The following AXIN2 variants were observed in gnomAD, a reference collection of about 807,000 sequenced individuals.
AXIN2 encodes axin 2.
In AXIN2, 21 loss-of-function variants were observed where a neutral mutation model predicts 74.7. The observed-to-expected ratio is 0.28, with a 90% CI of 0.20 to 0.40. The LOEUF is 0.40. Ranked by LOEUF, AXIN2 falls within the 10% of genes least tolerant of loss-of-function variation. The pLI is 1.00. For synonymous variants in AXIN2, 532 were observed against 454.9 expected (o/e 1.17, Z -2.16); for missense variants, 1,144 against 1,111.1 (o/e 1.03, Z -0.42).
In AXIN2 at chr17:65,561,447, C is replaced by T. The variant is rs1420404413; in HGVS notation, c.-117+3G>A. The T allele has an allele frequency of 1.3e-5, 2 of 150,522 alleles. No individual in the cohort carries two copies. The highest frequency in any genetic ancestry group is 2.1e-4 in the South Asian group (1 of 4,830). 9.3% of individuals were successfully genotyped at this position (150,522 alleles called of 1,614,324 possible). Reference sequence around the variant, plus strand: ...TCCGCTGGGGCCGAGCTTCCACCCCCACCTTTTACAGCAGGGCCTTCGGCG... The same window carrying T: ...TCCGCTGGGGCCGAGCTTCCACCCCTACCTTTTACAGCAGGGCCTTCGGCG... On this transcript the variant is annotated splice_donor_region_variant and intron_variant, in intron 1 of 10. Transcript: ENST00000307078.
rs1462955225 is a variant in AXIN2, at chr17:65,541,555, T to A, written c.959A>T (p.Asp320Val). 6.2e-7 allele frequency: 1 copy of A among 1,612,910 alleles called. No individual in the cohort carries two copies. The highest frequency in any genetic ancestry group is 2.2e-5 in the East Asian group (1 of 44,882). Residue 320 changes from aspartate to valine, a missense_variant and splice_region_variant, in exon 4 of 11, where the codon GAT becomes GTT. Coordinates refer to ENST00000307078, the MANE Select transcript of AXIN2 (RefSeq NM_004655.4). ...GCCCACACGATAAGGAGGAATTCCA[T>A]CTCTAAGGGAAAGGAAAAGACAGAA... is the stretch of plus-strand genomic sequence containing the variant. ...DSMSMTDSSV[D>V]GIPPYRVGSK...
At position 65,541,763 on chromosome 17, in the gene AXIN2, A is replaced by G. The variant is rs116173676; in HGVS notation, c.957-206T>C. 0.01 allele frequency among the ~76,000 whole-genome samples: 1,532 copies of G among 152,334 alleles called. 29 individuals are homozygous for G. The highest frequency in any genetic ancestry group is 0.032 in the African/African-American group (1,339 of 41,576). On this transcript the variant is annotated intron_variant, in intron 3 of 10. Transcript: ENST00000307078. ...TTTAAATCCTGCCCATCAATCATCT[A>G]TGGAAACTTGGCTTCCTTGGATGCA...
intron 2 of AXIN2, among the ~76,000 whole-genome samples, chr17:65,552,549 T>C (rs1376970716): frequency 2.0e-5 from 3 of 152,188 alleles, no homozygotes; most frequent in African/African-American, 7.2e-5. Flanking sequence ...GCTGCCGGCT[T>C]GGCTGCAGTG....
rs532491585 is a variant in AXIN2 at position 65,528,999 on chromosome 17, G to A, written c.*977C>T. 7.4e-6 allele frequency: 2 copies of A among 269,516 alleles called. No individual in the cohort carries two copies. Among genetic ancestry groups the A allele is most frequent in the East Asian group, 1.2e-4 (2 of 17,096 alleles). 16.7% of individuals were successfully genotyped at this position (269,516 alleles called of 1,614,324 possible). A position where few individuals can be genotyped will look rare whatever the true frequency, so the allele number is the denominator to read the frequency against. The stretch of plus-strand genomic sequence containing the variant: ...AGGTGTGTGGAGGAAAGGTGCTGCT[G>A]GGTCTCCCTACAACTGTTCATTTCT... On this transcript the variant is annotated 3_prime_UTR_variant, in exon 11 of 11. Coordinates refer to ENST00000307078, the MANE Select transcript of AXIN2 (RefSeq NM_004655.4).
At chr17:65,541,632 T>A in intron 3 of AXIN2, 75 bp from the exon 4 acceptor site, 1 of 1,267,496 alleles carries the variant, frequency 7.9e-7, no homozygotes, top group South Asian at 1.2e-5. Flanking sequence ...TACTGTCATA[T>A]GCCATCTTGA....
At position 65,558,647 on chromosome 17, in the gene AXIN2, TG is replaced by T. The variant is rs1213110055; in HGVS notation, c.-28del. ...GTGAGGGAGCTCTTCCCACTGAGTCTGGGAATTTTTCTTCTTCCAGTTCCTC... is the reference window on the plus strand; with the variant it reads ...GTGAGGGAGCTCTTCCCACTGAGTCTGGAATTTTTCTTCTTCCAGTTCCTC... On this transcript the variant is annotated 5_prime_UTR_variant, in exon 2 of 11. Transcript: ENST00000307078. 2.5e-6 allele frequency: 4 copies of T among 1,596,232 alleles called. No individual in the cohort carries two copies. In the Admixed American group the frequency reaches 6.7e-5, roughly 27 times the overall value.
intron 9 of AXIN2, among the ~76,000 whole-genome samples, chr17:65,534,987 A>G (rs1007371286): frequency 1.3e-4 from 20 of 152,236 alleles, no homozygotes; most frequent in Non-Finnish European, 2.2e-4. Flanking sequence ...CTTAGGGTCA[A>G]CCAATTGAAA....
At chr17:65,555,482 C>T (rs931626995) in intron 2 of AXIN2, among the ~76,000 whole-genome samples, 2 of 152,152 alleles carry the variant, frequency 1.3e-5, no homozygotes, top group Admixed American at 6.5e-5. Flanking sequence ...TGGGCTAAGC[C>T]AAGAGTCACC....
chr17:65,537,713 A>G lies in AXIN2; in HGVS notation c.1323T>C (p.Asp441=), dbSNP rs1427901007. ...GGGTCTTGAGGACCCTGGACAGGTG[A>G]TCGTCCAGTATCGTCTGCGGGTCTT... ...YEEDPQTILD[D]HLSRVLKTPG... Residue 441 remains aspartate, a synonymous_variant, in exon 6 of 11, where the codon GAT becomes GAC. Coordinates refer to ENST00000307078, the MANE Select transcript of AXIN2 (RefSeq NM_004655.4). 1.3e-6 allele frequency: 2 copies of G among 1,557,608 alleles called. No individual in the cohort carries two copies. The highest frequency in any genetic ancestry group is 1.7e-6 in the Non-Finnish European group (2 of 1,151,030).
intron 10 of AXIN2, among the ~76,000 whole-genome samples, chr17:65,531,723 A>G (rs2043821945): frequency 6.6e-6 from 1 of 151,888 alleles, no homozygotes; most frequent in Admixed American, 6.6e-5. Context: ...CACTGCCCTC[A>G]TTTTCTCCAA....
rs540489918 is a variant in AXIN2, at chr17:65,558,780, T to C, written c.-116-44A>G. The C allele has an allele frequency of 2.3e-5, 17 of 745,070 alleles. No homozygotes were observed. In the African/African-American group the frequency reaches 2.6e-4, roughly 12 times the overall value. 46.2% of individuals were successfully genotyped at this position (745,070 alleles called of 1,614,324 possible). Reference sequence around the variant, plus strand: ...GGGGAGGTGGGGAGAGAGAAAAGGGTATTGATCTAATCAAAACCAGATCTA... The same window carrying C: ...GGGGAGGTGGGGAGAGAGAAAAGGGCATTGATCTAATCAAAACCAGATCTA... On this transcript the variant is annotated intron_variant, in intron 1 of 10. Coordinates refer to ENST00000307078, the MANE Select transcript of AXIN2 (RefSeq NM_004655.4).
At chr17:65,545,251 A>G (rs1168552434) in intron 3 of AXIN2, among the ~76,000 whole-genome samples, 1 of 152,132 alleles carries the variant, frequency 6.6e-6, no homozygotes, top group Non-Finnish European at 1.5e-5. Context: ...CCATGGCTAC[A>G]CTTGGGCGGC....
rs1338882293 is a variant in AXIN2 at position 65,536,278 on chromosome 17, C to T, written c.2141+42G>A. The T allele has an allele frequency of 1.9e-6, 3 of 1,560,072 alleles. 1 individual carries two copies. The highest frequency in any genetic ancestry group is 2.3e-5 in the South Asian group (2 of 85,444). ...GCCACAGACCAGGTCTCCACCCAAA[C>T]CCAATCCCTGCCTCAACCTAGGACC... On this transcript the variant is annotated intron_variant, in intron 8 of 10. Transcript: ENST00000307078.
rs189378488 is a variant in AXIN2 at position 65,561,531 on chromosome 17, C to A, written c.-198G>T. On this transcript the variant is annotated 5_prime_UTR_variant, in exon 1 of 11. Transcript: ENST00000307078. Reference sequence around the variant, plus strand: ...TCGCTCTGAGGGGTTATTTTTATTTCCCGGCTCTCGGGCTGTTACTGAGTT... The same window carrying A: ...TCGCTCTGAGGGGTTATTTTTATTTACCGGCTCTCGGGCTGTTACTGAGTT... The A allele has an allele frequency of 6.6e-6, 1 of 150,916 alleles. No homozygotes were observed. The highest frequency in any genetic ancestry group is 6.6e-5 in the Admixed American group (1 of 15,150). 9.3% of individuals were successfully genotyped at this position (150,916 alleles called of 1,614,324 possible).
At chr17:65,530,251 C>T (rs976788170) in intron 10 of AXIN2, 149 bp from the exon 11 acceptor site, 26 of 1,111,898 alleles carry the variant, frequency 2.3e-5, no homozygotes, top group South Asian at 4.0e-5. Flanking sequence ...TGCTTTAAGA[C>T]GGCAGCTGGG....
intron 3 of AXIN2, among the ~76,000 whole-genome samples, chr17:65,547,690 A>G (rs1173899817): frequency 3.9e-5 from 6 of 152,208 alleles, no homozygotes; most frequent in Non-Finnish European, 8.8e-5. Flanking sequence ...AGATTCACTC[A>G]ATGCCTTCAA....
rs753870536 is a variant in AXIN2 at position 65,541,530 on chromosome 17, G to A, written c.984C>T (p.Gly328=). 1.2e-6 allele frequency: 2 copies of A among 1,614,076 alleles called. No individual in the cohort carries two copies. Among genetic ancestry groups the A allele is most frequent in the Non-Finnish European group, 1.7e-6 (2 of 1,179,966 alleles). Residue 328 remains glycine, a synonymous_variant, in exon 4 of 11, where the codon GGC becomes GGT. Transcript: ENST00000307078. ...SVDGIPPYRV[G]SKKQLQREMH... ...TTTCTCTCTGGAGCTGTTTCTTACT[G>A]CCCACACGATAAGGAGGAATTCCAT...
At chr17:65,552,972 G>T (rs1418028587) in intron 2 of AXIN2, among the ~76,000 whole-genome samples, 1 of 152,058 alleles carries the variant, frequency 6.6e-6, no homozygotes, top group Non-Finnish European at 1.5e-5. Flanking sequence ...AGGTTGTGGT[G>T]AGCAGAGATC....
At chr17:65,547,819 A>G (rs2044137634) in intron 3 of AXIN2, among the ~76,000 whole-genome samples, 1 of 152,202 alleles carries the variant, frequency 6.6e-6, no homozygotes, top group South Asian at 2.1e-4. Flanking sequence ...GCAAAACACA[A>G]CAGCAGGGAG....
Sources: allele counts gnomAD v4.1 joint callset (sites outside exome capture counted in the v4.1 genomes callset), GRCh38; gene constraint gnomAD v4.1.1; transcripts MANE v1.5; gene names NCBI Gene and HGNC (gene_info 2026-07-23, HGNC 2026-07-21).